RPS6KC1: variants seen among roughly 807,000 people sequenced by gnomAD.
The protein encoded by RPS6KC1 is ribosomal protein S6 kinase C1.
A neutral mutation model predicts 103.8 loss-of-function variants in RPS6KC1; 54 were observed. The ratio of observed to expected loss-of-function variants is 0.52; its 90% CI spans 0.42 to 0.65. The LOEUF is 0.65. Ranked by LOEUF, RPS6KC1 falls within the 30% of genes least tolerant of loss-of-function variation. RPS6KC1 has a pLI of 0.00. For synonymous variants in RPS6KC1, 439 were observed against 438.7 expected, an observed-to-expected ratio of 1.00 and a Z score of -0.01; for missense variants, 1,151 against 1,253.8, an observed-to-expected ratio of 0.92 and a Z score of 1.24.
the RPS6KC1 span, among the ~76,000 whole-genome samples, chr1:213,603,091 A>G: frequency 1.3e-5 from 2 of 152,258 alleles, no homozygotes; most frequent in South Asian, 2.1e-4. Flanking sequence ...CACAGCAGGC[A>G]GATTTACCTC....
At chr1:213,680,661 G>A in the RPS6KC1 span, among the ~76,000 whole-genome samples, 156 of 152,190 alleles carry the variant, frequency 1.0e-3, no homozygotes, top group Middle Eastern at 3.4e-3. Flanking sequence ...CTTGGGGCTC[G>A]GGAGGGGGAA....
the RPS6KC1 span, among the ~76,000 whole-genome samples, chr1:213,570,873 T>C: frequency 6.6e-6 from 1 of 152,210 alleles, no homozygotes; most frequent in Non-Finnish European, 1.5e-5. Context: ...CAGACCAAAT[T>C]GGACTTCTTT....
intron 5 of RPS6KC1, among the ~76,000 whole-genome samples, chr1:213,120,902 C>T (rs1346792889): frequency 6.6e-6 from 1 of 152,050 alleles, no homozygotes; most frequent in Admixed American, 6.6e-5. Context: ...GTCAACAGAT[C>T]CTAATATACT....
chr1:213,387,604 C>T, the RPS6KC1 span, among the ~76,000 whole-genome samples: 1,340 of 152,298 alleles, frequency 8.8e-3, 21 homozygotes, highest in African/African-American at 0.03. Flanking sequence ...TGATATCTAA[C>T]GTACTAAGAG....
chr1:213,263,032 T>A (rs922337939), intron 14 of RPS6KC1, among the ~76,000 whole-genome samples: 7 of 152,160 alleles, frequency 4.6e-5, no homozygotes, highest in African/African-American at 1.7e-4. Context: ...TTGGTATTAA[T>A]TTTTTTCCCA....
chr1:213,804,392 G>T, the RPS6KC1 span, among the ~76,000 whole-genome samples: 1 of 151,422 alleles, frequency 6.6e-6, no homozygotes, highest in Non-Finnish European at 1.5e-5. Flanking sequence ...AGCTTCCAAG[G>T]CCTCCTTTCT....
chr1:213,178,157 GC>G (rs2092007926), intron 8 of RPS6KC1, among the ~76,000 whole-genome samples: 1 of 151,252 alleles, frequency 6.6e-6, no homozygotes, highest in Admixed American at 6.6e-5. Context: ...CTGCACTCCA[GC>G]CTGGGTGACA....
the RPS6KC1 span, among the ~76,000 whole-genome samples, chr1:213,795,805 A>C: frequency 5.3e-3 from 812 of 152,068 alleles, 3 homozygotes; most frequent in Non-Finnish European, 8.7e-3. Flanking sequence ...TTATGCCCCA[A>C]ATTCTCTGCC....
At chr1:213,681,451 G>T in the RPS6KC1 span, among the ~76,000 whole-genome samples, 3 of 152,160 alleles carry the variant, frequency 2.0e-5, no homozygotes, top group African/African-American at 7.2e-5. Flanking sequence ...TTTGAAGGGA[G>T]ATAATGGAGA....
chr1:213,841,436 T>G, the RPS6KC1 span: 1 of 152,214 alleles, frequency 6.6e-6, no homozygotes, highest in South Asian at 2.1e-4. Context: ...ATTTTTTGTC[T>G]TAAGGATGAT....
chr1:213,080,351 G>A (rs1558276260), intron 3 of RPS6KC1, among the ~76,000 whole-genome samples: 1 of 151,788 alleles, frequency 6.6e-6, no homozygotes. Flanking sequence ...TTTATTTCTC[G>A]TTCTGTAAGT....
rs553615010 is a variant in RPS6KC1, at chr1:213,196,445, T to A, written c.1044+19953T>A. ...CCCTCTCTGGCTTGTCTGTTTACTC[T>A]CCTGATTATTTCTTTTGCTGTGCAG... On this transcript the variant is annotated intron_variant, in intron 8 of 14. Coordinates refer to ENST00000366960, the MANE Select transcript of RPS6KC1 (RefSeq NM_012424.6). 9.8e-5 allele frequency among the ~76,000 whole-genome samples: 15 copies of A among 152,352 alleles called. 1 individual carries two copies. The South Asian group carries it at 3.1e-3, about 32-fold the overall frequency.
At chr1:213,746,676 G>A in the RPS6KC1 span, among the ~76,000 whole-genome samples, 2 of 152,186 alleles carry the variant, frequency 1.3e-5, no homozygotes, top group Non-Finnish European at 2.9e-5. Context: ...GAGCAAGGAG[G>A]TGGTAGCAGG....
At chr1:213,600,460 G>C in the RPS6KC1 span, among the ~76,000 whole-genome samples, 1 of 152,152 alleles carries the variant, frequency 6.6e-6, no homozygotes, top group Non-Finnish European at 1.5e-5. Context: ...AACATAACTT[G>C]TTTTTCTAAT....
the RPS6KC1 span, among the ~76,000 whole-genome samples, chr1:213,330,805 G>A: frequency 6.6e-6 from 1 of 152,310 alleles, no homozygotes; most frequent in South Asian, 2.1e-4. Context: ...AGGAGTCCAT[G>A]GTTTAAGTGA....
At chr1:213,285,500 CT>C in the RPS6KC1 span, among the ~76,000 whole-genome samples, 254 of 152,226 alleles carry the variant, frequency 1.7e-3, no homozygotes, top group African/African-American at 5.8e-3. Flanking sequence ...TTAAAGTTAC[CT>C]GTAGAAATAT....
At chr1:213,426,196 T>C in the RPS6KC1 span, among the ~76,000 whole-genome samples, 1 of 152,154 alleles carries the variant, frequency 6.6e-6, no homozygotes, top group Non-Finnish European at 1.5e-5. Flanking sequence ...CAACTGGCTG[T>C]GGTTTCTCCT....
At chr1:213,508,794 ATTG>A in the RPS6KC1 span, among the ~76,000 whole-genome samples, 5 of 152,162 alleles carry the variant, frequency 3.3e-5, no homozygotes, top group Non-Finnish European at 5.9e-5. Context: ...GGCTCAATAA[ATTG>A]TTGTTGATTG....
At position 213,222,280 on chromosome 1, in the gene RPS6KC1, A is replaced by G. The variant is rs150085151; in HGVS notation, c.1045-8217A>G. Among the ~76,000 whole-genome samples the G allele has an allele frequency of 4.6e-5, 7 of 152,316 alleles. No individual in the cohort carries two copies. In the East Asian group the frequency reaches 7.7e-4, roughly 17 times the overall value. ...TCTTTGTTACCCATAAATCTTGGGTACCTTATATACTTTTCTCAATTGAAA... is the reference window on the plus strand; with the variant it reads ...TCTTTGTTACCCATAAATCTTGGGTGCCTTATATACTTTTCTCAATTGAAA... On this transcript the variant is annotated intron_variant, in intron 8 of 14. Transcript: ENST00000366960.
Sources: gnomAD v4.1 joint callset for allele counts (sites outside exome capture counted in the v4.1 genomes callset) on GRCh38, gnomAD v4.1.1 for gene constraint, MANE v1.5 for transcripts, NCBI Gene and HGNC (gene_info 2026-07-23, HGNC 2026-07-21) for gene names.